SIPA1L1: variants seen among roughly 807,000 people sequenced by gnomAD.
The protein encoded by SIPA1L1 is signal induced proliferation associated 1 like 1.
A neutral mutation model predicts 162.7 loss-of-function variants in SIPA1L1; 26 were observed. That is an observed-to-expected ratio of 0.16 (90% CI 0.12 to 0.22). SIPA1L1 has a LOEUF of 0.22. SIPA1L1 is among the 10% of genes least tolerant of loss of function. The pLI is 1.00. For synonymous variants in SIPA1L1, 829 were observed against 837.4 expected, an observed-to-expected ratio of 0.99 and a Z score of 0.17; for missense variants, 1,874 against 2,241.0, an observed-to-expected ratio of 0.84 and a Z score of 3.31.
intron 2 of SIPA1L1, among the ~76,000 whole-genome samples, chr14:71,478,773 C>T (rs1222111882): frequency 1.3e-5 from 2 of 152,114 alleles, no homozygotes; most frequent in Non-Finnish European, 2.9e-5. Context: ...TGACTGCTTG[C>T]ATTTCGGGCC....
chr14:71,550,112 G>A (rs1189660449), intron 4 of SIPA1L1, among the ~76,000 whole-genome samples: 1 of 152,154 alleles, frequency 6.6e-6, no homozygotes, highest in Non-Finnish European at 1.5e-5. Flanking sequence ...TTAGCCAGGT[G>A]TGTTGGTGCG....
rs1360419461 is a variant in SIPA1L1 at position 71,730,144 on chromosome 14, T to C, written c.4704T>C (p.Ile1568=). 2.5e-6 allele frequency: 4 copies of C among 1,614,102 alleles called. No individual in the cohort carries two copies. Among genetic ancestry groups the C allele is most frequent in the Non-Finnish European group, 3.4e-6 (4 of 1,180,030 alleles). Residue 1568 remains isoleucine (I), a synonymous_variant, in exon 20 of 24, where the codon ATT becomes ATC. Coordinates refer to ENST00000381232, the MANE Select transcript of SIPA1L1 (RefSeq NM_001386936.1). ...ALHRTLSDES[I]YNSQREHFFT... The stretch of plus-strand genomic sequence containing the variant: ...ACAGAACACTGTCGGACGAGAGCAT[T>C]TACAATAGCCAGAGGGAGCACTTTT...
At chr14:71,707,613 T>C (rs1030941659) in intron 16 of SIPA1L1, among the ~76,000 whole-genome samples, 1 of 152,244 alleles carries the variant, frequency 6.6e-6, no homozygotes, top group Non-Finnish European at 1.5e-5. Flanking sequence ...GATTCATCCA[T>C]GTTGTAGCAT....
At chr14:71,724,956 T>C (rs1159132511) in intron 19 of SIPA1L1, 121 bp downstream of exon 19, 2 of 825,644 alleles carry the variant, frequency 2.4e-6, no homozygotes, top group East Asian at 5.3e-5. Flanking sequence ...TAAGTCTCAC[T>C]TCCTGCTATC....
At chr14:71,626,347 C>T (rs921778641) in intron 7 of SIPA1L1, among the ~76,000 whole-genome samples, 1 of 152,168 alleles carries the variant, frequency 6.6e-6, no homozygotes, top group Non-Finnish European at 1.5e-5. Flanking sequence ...ATATGAACAG[C>T]TCCATGTCTG....
intron 2 of SIPA1L1, among the ~76,000 whole-genome samples, chr14:71,433,063 G>A (rs1202015478): frequency 6.6e-6 from 1 of 152,122 alleles, no homozygotes; most frequent in Non-Finnish European, 1.5e-5. Flanking sequence ...TTTGTTATCT[G>A]TTTATAGGTG....
chr14:71,397,684 T>TC (rs1222182468), intron 2 of SIPA1L1, among the ~76,000 whole-genome samples: 1 of 152,202 alleles, frequency 6.6e-6, no homozygotes, highest in Non-Finnish European at 1.5e-5. Context: ...AATGCCTCAG[T>TC]CTCTCTCCTT....
chr14:71,394,276 A>G (rs1240069037), intron 2 of SIPA1L1, among the ~76,000 whole-genome samples: 1 of 152,138 alleles, frequency 6.6e-6, no homozygotes, highest in Non-Finnish European at 1.5e-5. Context: ...CTTAGTTTAA[A>G]TTTCTCCATT....
At chr14:71,720,709 A>G (rs1030799872) in intron 17 of SIPA1L1, among the ~76,000 whole-genome samples, 3 of 151,872 alleles carry the variant, frequency 2.0e-5, no homozygotes, top group Non-Finnish European at 4.4e-5. Context: ...CTTCTGCTTG[A>G]TCAATTCCGC....
intron 3 of SIPA1L1, among the ~76,000 whole-genome samples, chr14:71,524,124 T>C (rs762861512): frequency 5.6e-4 from 81 of 144,526 alleles, no homozygotes; most frequent in Middle Eastern, 4.0e-3. Flanking sequence ...TCTACATTTA[T>C]CTGTTCCTGT....
chr14:71,680,022 G>A (rs975349169), intron 12 of SIPA1L1, among the ~76,000 whole-genome samples: 18 of 148,636 alleles, frequency 1.2e-4, no homozygotes, highest in Non-Finnish European at 2.9e-5. Flanking sequence ...TAGACAGATC[G>A]AGACAGAAAG....
intron 2 of SIPA1L1, among the ~76,000 whole-genome samples, chr14:71,440,964 C>T (rs1183058271): frequency 6.6e-6 from 1 of 152,060 alleles, no homozygotes. Context: ...TTGCATAAAA[C>T]TGAAATTGTT....
chr14:71,620,093 CAG>C (rs767947218), intron 6 of SIPA1L1, among the ~76,000 whole-genome samples: 6 of 152,198 alleles, frequency 3.9e-5, no homozygotes, highest in Non-Finnish European at 8.8e-5. Context: ...GTTTTTGAGA[CAG>C]AGTTTCACTC....
intron 4 of SIPA1L1, among the ~76,000 whole-genome samples, chr14:71,535,521 G>A (rs1394137773): frequency 6.6e-6 from 1 of 151,874 alleles, no homozygotes; most frequent in African/African-American, 2.4e-5. Context: ...TCCTCTGATG[G>A]AAAGATAGGA....
rs544721924 is a variant in SIPA1L1 at position 71,667,890 on chromosome 14, C to A, written c.2256-3229C>A. On this transcript the variant is annotated intron_variant, in intron 10 of 23. Coordinates refer to ENST00000381232, the MANE Select transcript of SIPA1L1 (RefSeq NM_001386936.1). ...ACCATCCTGGCTAACACAGTGAAAC[C>A]CTGTCTCTACTAAAAATACAAAAAA... 3.3e-5 allele frequency among the ~76,000 whole-genome samples: 5 copies of A among 152,162 alleles called. No homozygotes were observed. In the South Asian group the frequency reaches 1.0e-3, roughly 32 times the overall value.
chr14:71,631,369 G>T (rs956200671), intron 7 of SIPA1L1, among the ~76,000 whole-genome samples: 7 of 152,088 alleles, frequency 4.6e-5, no homozygotes, highest in African/African-American at 1.4e-4. Context: ...TAGTAGCATA[G>T]TATTTTGTTG....
intron 17 of SIPA1L1, among the ~76,000 whole-genome samples, chr14:71,723,127 A>T (rs1193315413): frequency 6.6e-6 from 1 of 152,226 alleles, no homozygotes; most frequent in Non-Finnish European, 1.5e-5. Flanking sequence ...CAGAGCCAAT[A>T]GGAATGCCAG....
At chr14:71,472,557 G>A (rs2047543553) in intron 2 of SIPA1L1, among the ~76,000 whole-genome samples, 1 of 151,894 alleles carries the variant, frequency 6.6e-6, no homozygotes, top group Non-Finnish European at 1.5e-5. Context: ...TTTTTGGGTG[G>A]TTTGTATAAG....
intron 2 of SIPA1L1, chr14:71,467,357 A>G (rs2047083631): frequency 6.6e-6 from 1 of 152,204 alleles, no homozygotes; most frequent in Non-Finnish European, 1.5e-5. Context: ...AAGAAGAAGC[A>G]TTCGTCATTC....
Sources: gnomAD v4.1 joint callset for allele counts (sites outside exome capture counted in the v4.1 genomes callset) on GRCh38, gnomAD v4.1.1 for gene constraint, MANE v1.5 for transcripts, NCBI Gene and HGNC (gene_info 2026-07-23, HGNC 2026-07-21) for gene names.